CYB5R1: variants seen among roughly 807,000 people sequenced by gnomAD.
The protein encoded by CYB5R1 is NADH-cytochrome b5 reductase 1.
A neutral mutation model predicts 37.4 loss-of-function variants in CYB5R1; 32 were observed. The ratio of observed to expected loss-of-function variants is 0.86; its 90% CI spans 0.65 to 1.15. The LOEUF is 1.15. Ranked by LOEUF, CYB5R1 falls within the 50% of genes most tolerant of loss-of-function variation. The pLI is 0.00. For synonymous variants in CYB5R1, 159 were observed against 155.2 expected, an observed-to-expected ratio of 1.02 and a Z score of -0.18; for missense variants, 345 against 382.5, an observed-to-expected ratio of 0.90 and a Z score of 0.82.
In CYB5R1 at chr1:202,962,689, G is replaced by A. The variant is rs749419789; in HGVS notation, c.756C>T (p.Tyr252=). Residue 252 remains tyrosine (Y), a synonymous_variant, in exon 9 of 9, where the codon TAC becomes TAT. Coordinates refer to ENST00000367249, the MANE Select transcript of CYB5R1 (RefSeq NM_016243.3). ...TGTCGGCAGTCACAAAGCCCTTGCT[G>A]TAGGCCCAATCTGAAGTATGGGGAG... is the stretch of plus-strand genomic sequence containing the variant. ...TLDHPPKDWA[Y]SKGFVTADMI... is the part of the protein sequence containing the mutation. The A allele has an allele frequency of 3.7e-6, 6 of 1,614,100 alleles. No individual in the cohort carries two copies. Among genetic ancestry groups the A allele is most frequent in the Non-Finnish European group, 4.2e-6 (5 of 1,180,016 alleles).
Position 202,962,385 on chromosome 1 carries a change from T to A in CYB5R1, c.*142A>T. 9.7e-7 allele frequency: 1 copy of A among 1,030,660 alleles called. No individual in the cohort carries two copies. The highest frequency in any genetic ancestry group is 2.5e-5 in the East Asian group (1 of 40,338). The allele number at this position is 1,030,660 out of a possible 1,614,324, so 63.8% of individuals were successfully genotyped here. A position where few individuals can be genotyped will look rare whatever the true frequency, so the allele number is the denominator to read the frequency against. On this transcript the variant is annotated 3_prime_UTR_variant, in exon 9 of 9. Coordinates refer to ENST00000367249, the MANE Select transcript of CYB5R1 (RefSeq NM_016243.3). ...TCTTCCATGGCTACAGGAATATTGT[T>A]CCTGCAGGTACTATCCAGATTTCAG...
intron 2 of CYB5R1, 74 bp from the exon 3 acceptor site, chr1:202,966,674 C>T (rs1047957925): frequency 8.7e-6 from 14 of 1,613,010 alleles, no homozygotes; most frequent in South Asian, 1.1e-5. Flanking sequence ...TCCCAACCAC[C>T]GTGGGTGCTG....
chr1:202,966,501 A>C, intron 3 of CYB5R1, 27 bp downstream of exon 3: 1 of 1,613,072 alleles, frequency 6.2e-7, no homozygotes, highest in Non-Finnish European at 8.5e-7. Flanking sequence ...ATACCAGGGA[A>C]AGGAGCCCAT....
At position 202,966,887 on chromosome 1, in the gene CYB5R1, C is replaced by T. The variant is rs572370179; in HGVS notation, c.27G>A (p.Leu9=). The part of the protein sequence containing the change: MGIQTSPV[L]LASLGVGLVT... ...CCAGCCCCACCCCCAGGGAGGCCAG[C>T]AGGACGGGGCTCTGTGGGTAGAGGA... The change falls in exon 2 of 9, where the codon CTG becomes CTA. Residue 9 remains leucine, a synonymous_variant. Coordinates refer to ENST00000367249, the MANE Select transcript of CYB5R1 (RefSeq NM_016243.3). 8.1e-6 allele frequency: 13 copies of T among 1,609,364 alleles called. No individual in the cohort carries two copies. The African/African-American group carries it at 1.3e-4, about 17-fold the overall frequency.
At chr1:202,964,962 C>G in intron 5 of CYB5R1, 1 of 513,716 alleles carries the variant, frequency 1.9e-6, no homozygotes, top group Admixed American at 3.3e-5. Context: ...GTGAAGGAGA[C>G]AGGCACAGAG....
At chr1:202,963,763 C>A (rs1449924937) in intron 6 of CYB5R1, 36 bp from the exon 7 acceptor site, 1 of 1,495,930 alleles carries the variant, frequency 6.7e-7, no homozygotes, top group South Asian at 1.2e-5. Flanking sequence ...ATGTAGTGGC[C>A]ACACTCTCTG....
rs375559693 is a variant in CYB5R1 at position 202,962,540 on chromosome 1, C to T, written c.905G>A (p.Arg302Gln). The change falls in exon 9 of 9, where the codon CGA (arginine) becomes CAA (glutamine). Residue 302 changes from arginine (R) to glutamine (Q), a missense_variant. Transcript: ENST00000367249. ...LDKLGYSQKMRFTY is the reference protein window; with the variant it reads ...LDKLGYSQKMQFTY ...GCTGGAGGATGCTCAGTAGGTGAAT[C>T]GCATCTTTTGTGAGTAGCCCAGTTT... The T allele has an allele frequency of 1.2e-5, 19 of 1,609,376 alleles. No individual in the cohort carries two copies. The highest frequency in any genetic ancestry group is 2.7e-5 in the African/African-American group (2 of 74,774).
In CYB5R1 at chr1:202,962,652, G is replaced by A. The variant is rs200700150; in HGVS notation, c.793C>T (p.His265Tyr). The A allele has an allele frequency of 9.9e-6, 16 of 1,614,054 alleles. No individual in the cohort carries two copies. Among genetic ancestry groups the A allele is most frequent in the African/African-American group, 1.3e-5 (1 of 74,930 alleles). The change falls in exon 9 of 9, where the codon CAC (histidine) becomes TAC (tyrosine). Residue 265 changes from histidine to tyrosine, a missense_variant. Physicochemically the swap from His to Tyr is moderately conservative, Grantham distance 83 (BLOSUM62 2). Transcript: ENST00000367249. ...ACATCATCCCCTGGAGCGGGCAGGT[G>A]TTCCCGGATCATGTCGGCAGTCACA... ...GFVTADMIREHLPAPGDDVLV... is the reference protein window; with the variant it reads ...GFVTADMIREYLPAPGDDVLV...
Position 202,963,066 on chromosome 1 carries a change from C to T in CYB5R1, c.745G>A (p.Asp249Asn). Residue 249 changes from aspartate to asparagine, a missense_variant and splice_region_variant, in exon 8 of 9, where the codon GAT (aspartate) becomes AAT (asparagine). Physicochemically the swap from Asp to Asn is conservative, Grantham distance 23. Transcript: ENST00000367249. ...LWFTLDHPPK[D>N]WAYSKGFVTA... ...GGATGTCCAGAAATGGGAAGGATAC[C>T]TTTTGGGGGATGATCCAGAGTGAAC... The T allele has an allele frequency of 6.2e-7, 1 of 1,613,492 alleles. No homozygotes were observed. Among genetic ancestry groups the T allele is most frequent in the Non-Finnish European group, 8.5e-7 (1 of 1,179,444 alleles).
chr1:202,966,423 G>A (rs1350038700), intron 3 of CYB5R1, 105 bp downstream of exon 3: 1 of 1,297,332 alleles, frequency 7.7e-7, no homozygotes. Context: ...AAGGGGAATG[G>A]TGTGTGGAGC....
At chr1:202,966,658 TG>T in intron 2 of CYB5R1, 58 bp from the exon 3 acceptor site, 1 of 1,613,744 alleles carries the variant, frequency 6.2e-7, no homozygotes, top group Non-Finnish European at 8.5e-7. Context: ...CCACGTCCCT[TG>T]GACATCCCAA....
At position 202,963,091 on chromosome 1, in the gene CYB5R1, C is replaced by T. The variant is rs368686887; in HGVS notation, c.720G>A (p.Trp240Ter). The T allele has an allele frequency of 2.5e-6, 4 of 1,614,022 alleles. No homozygotes were observed. The Admixed American group carries it at 6.7e-5, about 27-fold the overall frequency. Residue 240 changes from tryptophan (W) to a stop codon, truncating the protein, a stop_gained, in exon 8 of 9, where the codon TGG becomes TGA. Coordinates refer to ENST00000367249, the MANE Select transcript of CYB5R1 (RefSeq NM_016243.3). LOFTEE classifies it high-confidence loss of function. ...CTTTTGGGGGATGATCCAGAGTGAA[C>T]CAGAGCTTAAAGCGATTGGGATAGC... is the stretch of plus-strand genomic sequence containing the variant. ...QARYPNRFKL[W>*]FTLDHPPKDW...
intron 2 of CYB5R1, 36 bp from the exon 3 acceptor site, chr1:202,966,636 C>T (rs1655100506): frequency 2.5e-6 from 4 of 1,614,060 alleles, no homozygotes; most frequent in Non-Finnish European, 2.5e-6. Flanking sequence ...TCACCAAGCG[C>T]GCCTGGCGCT....
intron 5 of CYB5R1, chr1:202,965,039 G>A (rs915395713): frequency 2.1e-5 from 9 of 423,680 alleles, no homozygotes; most frequent in African/African-American, 8.1e-5. Flanking sequence ...GCACCCAGCT[G>A]TTCCCATGGG....
intron 7 of CYB5R1, 24 bp from the exon 8 acceptor site, chr1:202,963,189 G>C: frequency 1.2e-5 from 18 of 1,541,272 alleles, no homozygotes; most frequent in Non-Finnish European, 1.6e-5. Context: ...GGGAAGGAAA[G>C]TCTTTAGGAG....
At chr1:202,962,859 C>T in intron 8 of CYB5R1, 160 bp from the exon 9 acceptor site, 2 of 1,026,794 alleles carry the variant, frequency 1.9e-6, no homozygotes, top group Non-Finnish European at 3.0e-6. Flanking sequence ...CAAGCTGAGC[C>T]TTAGCAGCAC....
chr1:202,964,296 G>A, intron 6 of CYB5R1: 1 of 417,030 alleles, frequency 2.4e-6, no homozygotes, highest in Non-Finnish European at 4.4e-6. Flanking sequence ...GCACAGTAGT[G>A]TCCAATGCTA....
intron 6 of CYB5R1, 71 bp downstream of exon 6, chr1:202,964,541 G>A (rs1232803236): frequency 3.4e-6 from 4 of 1,191,782 alleles, no homozygotes; most frequent in African/African-American, 1.5e-5. Flanking sequence ...CCAGTCTTCA[G>A]AGGGTCACCT....
Position 202,966,845 on chromosome 1 carries a change from C to T in CYB5R1, c.69G>A (p.Leu23=), listed in dbSNP as rs764718959. 5.0e-6 allele frequency: 8 copies of T among 1,613,984 alleles called. No homozygotes were observed. Among genetic ancestry groups the T allele is most frequent in the Non-Finnish European group, 6.8e-6 (8 of 1,179,940 alleles). The part of the protein sequence containing the change: ...LGVGLVTLLG[L]AVGSYLVRRS... ...TCCGAACCAAGTAGGAGCCCACAGC[C>T]AGGCCGAGCAGAGTGACCAGCCCCA... is the stretch of plus-strand genomic sequence containing the variant. Residue 23 remains leucine, a synonymous_variant, in exon 2 of 9, where the codon CTG becomes CTA. Transcript: ENST00000367249.
Sources: gnomAD v4.1 joint callset for allele counts on GRCh38, gnomAD v4.1.1 for gene constraint, MANE v1.5 for transcripts, NCBI Gene and HGNC (gene_info 2026-07-23, HGNC 2026-07-21) for gene names.